SPOP: variants seen among roughly 807,000 people sequenced by gnomAD.
SPOP encodes speckle type BTB/POZ protein, also known as speckle-type POZ protein.
In SPOP, 11 loss-of-function variants were observed where a neutral mutation model predicts 45.6. That is an observed-to-expected ratio of 0.24 (90% CI 0.15 to 0.40). SPOP has a LOEUF of 0.40. Among genes scored for constraint, SPOP ranks in the 10% least tolerant of loss-of-function variants. SPOP has a pLI of 1.00. For missense variants in SPOP, 152 were observed against 465.6 expected (o/e 0.33, Z 6.20); for synonymous variants, 166 against 166.3 (o/e 1.00, Z 0.01).
At chr17:49,662,619 G>A (rs756045799) in intron 1 of SPOP, among the ~76,000 whole-genome samples, 21 of 151,964 alleles carry the variant, frequency 1.4e-4, no homozygotes, top group Non-Finnish European at 2.9e-4. Context: ...CCTGGGAGGC[G>A]GAGGTTGCAG....
chr17:49,615,004 A>G (rs1261687937), intron 5 of SPOP, among the ~76,000 whole-genome samples: 1 of 151,908 alleles, frequency 6.6e-6, no homozygotes, highest in Non-Finnish European at 1.5e-5. Context: ...GACTACAGGC[A>G]CGTGCCATCA....
At chr17:49,609,351 T>A (rs1170074223) in intron 6 of SPOP, among the ~76,000 whole-genome samples, 1 of 152,174 alleles carries the variant, frequency 6.6e-6, no homozygotes, top group Non-Finnish European at 1.5e-5. Context: ...ACTAAATAAA[T>A]ATATTTCAGA....
In SPOP at chr17:49,678,007, T is replaced by A; in HGVS notation, c.-141A>T. 2.5e-6 allele frequency: 1 copy of A among 398,096 alleles called. No homozygotes were observed. The allele number at this position is 398,096 out of a possible 1,614,324, so 24.7% of individuals were successfully genotyped here. A position where few individuals can be genotyped will look rare whatever the true frequency, so the allele number is the denominator to read the frequency against. On this transcript the variant is annotated 5_prime_UTR_variant, in exon 1 of 10. Transcript: ENST00000504102. ...CATACTGTCCGCAACATCCGGGACC[T>A]GCGGGACCGCCGATACACAAATACA...
chr17:49,634,004 C>T (rs747121895), intron 1 of SPOP, among the ~76,000 whole-genome samples: 8 of 150,948 alleles, frequency 5.3e-5, no homozygotes, highest in Non-Finnish European at 1.2e-4. Flanking sequence ...AAGAAAAACT[C>T]CTCCAGCTGC....
intron 1 of SPOP, among the ~76,000 whole-genome samples, chr17:49,677,213 C>T (rs563997783): frequency 6.6e-6 from 1 of 152,104 alleles, no homozygotes; most frequent in South Asian, 2.1e-4. Flanking sequence ...GGATGGAGCA[C>T]CCACTCCTAA....
intron 7 of SPOP, 30 bp downstream of exon 7, chr17:49,607,844 A>C (rs2071884246): frequency 1.9e-6 from 3 of 1,599,860 alleles, no homozygotes; most frequent in Non-Finnish European, 2.6e-6. Flanking sequence ...ATACCTGGCT[A>C]AACAGACATG....
chr17:49,599,984 T>C lies in SPOP; in HGVS notation c.*394A>G. The C allele has an allele frequency of 4.2e-6, 1 of 236,388 alleles. No homozygotes were observed. Among genetic ancestry groups the C allele is most frequent in the Non-Finnish European group, 8.3e-6 (1 of 120,332 alleles). 14.6% of individuals were successfully genotyped at this position (236,388 alleles called of 1,614,324 possible). A position where few individuals can be genotyped will look rare whatever the true frequency, so the allele number is the denominator to read the frequency against. On this transcript the variant is annotated 3_prime_UTR_variant, in exon 10 of 10. Coordinates refer to ENST00000504102, the MANE Select transcript of SPOP (RefSeq NM_001007228.2). Reference sequence around the variant, plus strand: ...TCTTTTCTTCTTTCCTTTTCCCTTCTGTTAAAACTCAATGTCCTTTCTTTT... The same window carrying C: ...TCTTTTCTTCTTTCCTTTTCCCTTCCGTTAAAACTCAATGTCCTTTCTTTT...
chr17:49,657,261 T>C (rs745972488), intron 1 of SPOP, among the ~76,000 whole-genome samples: 4 of 152,180 alleles, frequency 2.6e-5, no homozygotes, highest in Non-Finnish European at 5.9e-5. Context: ...GCTGTTTACA[T>C]ATTTTTTCAA....
At chr17:49,610,258 G>A (rs565056315) in intron 6 of SPOP, among the ~76,000 whole-genome samples, 1 of 150,972 alleles carries the variant, frequency 6.6e-6, no homozygotes, top group East Asian at 2.0e-4. Context: ...TTGCTCTGTT[G>A]CCCAGGCTGG....
Position 49,619,472 on chromosome 17 carries a change from A to G in SPOP, c.201-87T>C. On this transcript the variant is annotated intron_variant, in intron 3 of 9. Coordinates refer to ENST00000504102, the MANE Select transcript of SPOP (RefSeq NM_001007228.2). This position sits in a 1 kb window ranked among gnomAD's most constrained non-coding sequence, Gnocchi z 4.9. ...CAGACTCAAGAGAGGGAGATGTTTAAAAAACAAATGCAGGCCCCATAGAAG... is the reference window on the plus strand; with the variant it reads ...CAGACTCAAGAGAGGGAGATGTTTAGAAAACAAATGCAGGCCCCATAGAAG... 7.1e-7 allele frequency: 1 copy of G among 1,401,276 alleles called. No individual in the cohort carries two copies. Among genetic ancestry groups the G allele is most frequent in the East Asian group, 2.4e-5 (1 of 41,446 alleles). 86.8% of individuals were successfully genotyped at this position (1,401,276 alleles called of 1,614,324 possible).
chr17:49,600,556 G>A lies in SPOP; in HGVS notation c.981-34C>T. On this transcript the variant is annotated intron_variant, in intron 9 of 9. Coordinates refer to ENST00000504102, the MANE Select transcript of SPOP (RefSeq NM_001007228.2). The surrounding 1 kb of genome is among the most constrained non-coding windows in gnomAD (Gnocchi z 4.2). ...AATGTGGAGAAATGGGTTACCAAAG[G>A]GAGTGAGCAAGGGATGAATTCAACA... The A allele has an allele frequency of 1.2e-6, 2 of 1,613,174 alleles. No homozygotes were observed. The highest frequency in any genetic ancestry group is 1.7e-6 in the Non-Finnish European group (2 of 1,179,602).
At chr17:49,621,184 G>C (rs1211843362) in intron 3 of SPOP, among the ~76,000 whole-genome samples, 1 of 152,148 alleles carries the variant, frequency 6.6e-6, no homozygotes, top group Non-Finnish European at 1.5e-5. Context: ...ATTGGTTCAG[G>C]GAATGCAAAC....
chr17:49,677,730 C>G (rs915283634), intron 1 of SPOP, among the ~76,000 whole-genome samples: 1 of 150,900 alleles, frequency 6.6e-6, no homozygotes, highest in Admixed American at 6.7e-5. Flanking sequence ...CTTCTGAATG[C>G]TTGAGATAGG....
At chr17:49,668,908 C>T (rs944347898) in intron 1 of SPOP, among the ~76,000 whole-genome samples, 1 of 151,842 alleles carries the variant, frequency 6.6e-6, no homozygotes, top group African/African-American at 2.4e-5. Context: ...TCCCGAGTAG[C>T]TGGGACTACA....
intron 1 of SPOP, among the ~76,000 whole-genome samples, chr17:49,640,788 A>C (rs1470763335): frequency 6.6e-6 from 1 of 152,116 alleles, no homozygotes; most frequent in Non-Finnish European, 1.5e-5. Flanking sequence ...ACTATGTACC[A>C]GCTACACTGC....
rs966896530 is a variant in SPOP, at chr17:49,676,322, T to A, written c.-67+1611A>T. Among the ~76,000 whole-genome samples the A allele has an allele frequency of 3.3e-5, 5 of 152,282 alleles. No homozygotes were observed. The South Asian group carries it at 1.0e-3, about 32-fold the overall frequency. ...TTTCCAGCTCTTTCCCAGGAAGATA[T>A]ATGCACCCCAAATTTCTCTGTTCCC... On this transcript the variant is annotated intron_variant, in intron 1 of 9. Transcript: ENST00000504102.
At chr17:49,662,013 C>A (rs1233924823) in intron 1 of SPOP, among the ~76,000 whole-genome samples, 3 of 90,044 alleles carry the variant, frequency 3.3e-5, no homozygotes, top group East Asian at 3.1e-4. Flanking sequence ...AACTCCGTCT[C>A]AAAAAAAAAA....
chr17:49,607,136 G>C (rs917948756), intron 8 of SPOP, 114 bp downstream of exon 8: 2 of 1,418,276 alleles, frequency 1.4e-6, no homozygotes, highest in Middle Eastern at 1.8e-4. Flanking sequence ...GACCGTCTTG[G>C]CCAAACCAAG....
intron 1 of SPOP, among the ~76,000 whole-genome samples, chr17:49,627,061 G>C (rs183445137): frequency 5.5e-4 from 84 of 152,306 alleles, no homozygotes; most frequent in African/African-American, 1.9e-3. Context: ...ATGTTAGCCA[G>C]GATGGTCTCG....
Sources: gnomAD v4.1 joint callset for allele counts (sites outside exome capture counted in the v4.1 genomes callset) on GRCh38, gnomAD v4.1.1 for gene constraint, Gnocchi (gnomAD v3.1) non-coding constraint, MANE v1.5 for transcripts, NCBI Gene and HGNC (gene_info 2026-07-23, HGNC 2026-07-21) for gene names.